Variants in DDX10 observed in about 807,000 individuals in gnomAD.
DDX10 encodes the protein probable ATP-dependent RNA helicase DDX10.
Under a neutral mutation model 104.3 loss-of-function variants are expected in DDX10, and 74 were observed. The observed-to-expected ratio is 0.71, with a 90% CI of 0.59 to 0.86. The LOEUF (loss-of-function observed/expected upper bound fraction) is 0.86, where lower values mean the gene tolerates loss of function less well. Ranked by LOEUF, DDX10 falls within the 40% of genes least tolerant of loss-of-function variation. The probability of loss-of-function intolerance (pLI) is 0.00; values close to 1 mark genes in which losing one functional copy is unlikely to be tolerated. For missense variants in DDX10, 952 were observed against 1,040.0 expected, an observed-to-expected ratio of 0.92 and a Z score of 1.16; for synonymous variants, 351 against 353.4, an observed-to-expected ratio of 0.99 and a Z score of 0.08.
intron 3 of DDX10, 52 bp downstream of exon 3, chr11:108,675,778 T>A (rs777778669): frequency 1.3e-6 from 2 of 1,592,448 alleles, no homozygotes; most frequent in East Asian, 4.5e-5. Flanking sequence ...TTTATAACAT[T>A]CTGTGCCCAG....
At chr11:108,693,420 G>A (rs2094255423) in intron 8 of DDX10, 96 bp from the exon 9 acceptor site, 6 of 855,594 alleles carry the variant, frequency 7.0e-6, no homozygotes, top group Admixed American at 6.8e-5. Flanking sequence ...AGTTTGATGT[G>A]ATGAAAAGTC....
At chr11:108,700,064 A>G (rs1310690553) in intron 9 of DDX10, among the ~76,000 whole-genome samples, 2 of 152,248 alleles carry the variant, frequency 1.3e-5, no homozygotes, top group Non-Finnish European at 1.5e-5. Context: ...GAGGACTCTC[A>G]CCTAGCAAAT....
chr11:108,721,153 C>T (rs2094297864), intron 12 of DDX10, among the ~76,000 whole-genome samples: 2 of 152,104 alleles, frequency 1.3e-5, no homozygotes, highest in Non-Finnish European at 2.9e-5. Context: ...CAACATATAT[C>T]TAAGTGAGCT....
intron 13 of DDX10, among the ~76,000 whole-genome samples, chr11:108,743,243 G>A (rs554679890): frequency 1.3e-5 from 2 of 152,258 alleles, no homozygotes; most frequent in Admixed American, 1.3e-4. Context: ...ATCAATAAAT[G>A]TTATCCATCG....
chr11:108,883,663 C>T (rs572367542), intron 16 of DDX10, among the ~76,000 whole-genome samples: 9 of 152,136 alleles, frequency 5.9e-5, no homozygotes, highest in Admixed American at 6.5e-5. Context: ...ACCACTTCCT[C>T]ATCTCTCATC....
intron 17 of DDX10, among the ~76,000 whole-genome samples, chr11:108,927,265 C>G (rs767828623): frequency 6.6e-6 from 1 of 152,192 alleles, no homozygotes; most frequent in Non-Finnish European, 1.5e-5. Flanking sequence ...TCTGAATAGG[C>G]TGTACAGTGA....
intron 16 of DDX10, among the ~76,000 whole-genome samples, chr11:108,911,076 C>T (rs1361490099): frequency 6.6e-6 from 1 of 152,036 alleles, no homozygotes; most frequent in East Asian, 1.9e-4. Context: ...ATTGACTGCT[C>T]CCCAGAAATA....
At chr11:108,719,547 CT>C (rs2094295686) in intron 11 of DDX10, among the ~76,000 whole-genome samples, 1 of 152,062 alleles carries the variant, frequency 6.6e-6, no homozygotes, top group Non-Finnish European at 1.5e-5. Flanking sequence ...ATTATACTGA[CT>C]TTTAGAGTAG....
At position 108,867,464 on chromosome 11, in the gene DDX10, T is replaced by C. The variant is rs528702966; in HGVS notation, c.2304+15255T>C. 3.9e-5 allele frequency among the ~76,000 whole-genome samples: 6 copies of C among 152,316 alleles called. No homozygotes were observed. In the South Asian group the frequency reaches 1.0e-3, roughly 26 times the overall value. The stretch of plus-strand genomic sequence containing the variant: ...AATAATTTTTAAAATTGAGATCTAG[T>C]CTCATCCATGATAAAATACCACACT... On this transcript the variant is annotated intron_variant, in intron 16 of 17. Coordinates refer to ENST00000322536, the MANE Select transcript of DDX10 (RefSeq NM_004398.4).
At chr11:108,754,159 C>T (rs142632997) in intron 13 of DDX10, among the ~76,000 whole-genome samples, 2 of 151,894 alleles carry the variant, frequency 1.3e-5, no homozygotes, top group South Asian at 2.1e-4. Flanking sequence ...GCTGTGTTGT[C>T]GGAAGTGAAT....
intron 16 of DDX10, among the ~76,000 whole-genome samples, chr11:108,896,402 G>A (rs1407862566): frequency 6.6e-6 from 1 of 151,474 alleles, no homozygotes; most frequent in East Asian, 1.9e-4. Flanking sequence ...TACTCTCTAG[G>A]CTTATTGTGG....
At chr11:108,907,163 T>TA (rs543913318) in intron 16 of DDX10, among the ~76,000 whole-genome samples, 66 of 151,948 alleles carry the variant, frequency 4.3e-4, no homozygotes, top group African/African-American at 1.5e-3. Context: ...TTCAGTCAAA[T>TA]ATCCCCATTG....
chr11:108,743,252 C>T (rs550453112), intron 13 of DDX10, among the ~76,000 whole-genome samples: 25 of 152,214 alleles, frequency 1.6e-4, no homozygotes, highest in Non-Finnish European at 3.1e-4. Context: ...TGTTATCCAT[C>T]GTATAATCAG....
intron 13 of DDX10, among the ~76,000 whole-genome samples, chr11:108,798,712 A>G (rs1359153443): frequency 1.3e-5 from 2 of 152,052 alleles, no homozygotes; most frequent in East Asian, 3.9e-4. Flanking sequence ...TGAGGATGTT[A>G]GTGTATTTGG....
chr11:108,741,278 T>A (rs900033304), intron 13 of DDX10, among the ~76,000 whole-genome samples: 2 of 152,146 alleles, frequency 1.3e-5, no homozygotes, highest in Non-Finnish European at 2.9e-5. Context: ...GATTGCCTTG[T>A]CTATTTGGGC....
chr11:108,712,892 G>GAAAA (rs2094286388), intron 10 of DDX10, among the ~76,000 whole-genome samples: 2 of 151,540 alleles, frequency 1.3e-5, no homozygotes, highest in African/African-American at 4.8e-5. Flanking sequence ...TTGTTTGTCT[G>GAAAA]AAAAAGTGTT....
intron 13 of DDX10, among the ~76,000 whole-genome samples, chr11:108,819,691 C>T (rs924213319): frequency 1.3e-5 from 2 of 152,054 alleles, no homozygotes; most frequent in Non-Finnish European, 2.9e-5. Context: ...CTCCGCCTCC[C>T]AGGTTCAAGC....
chr11:108,892,550 A>G (rs939368763), intron 16 of DDX10, among the ~76,000 whole-genome samples: 1 of 152,182 alleles, frequency 6.6e-6, no homozygotes, highest in African/African-American at 2.4e-5. Flanking sequence ...ATTATCCTGT[A>G]GTAATGCCCG....
At chr11:108,693,235 G>A (rs1373725381) in intron 8 of DDX10, among the ~76,000 whole-genome samples, 2 of 152,122 alleles carry the variant, frequency 1.3e-5, no homozygotes, top group Non-Finnish European at 2.9e-5. Flanking sequence ...AAATATTAGG[G>A]TATTTCACTG....
Sources: gnomAD v4.1 joint callset for allele counts (sites outside exome capture counted in the v4.1 genomes callset) on GRCh38, gnomAD v4.1.1 for gene constraint, MANE v1.5 for transcripts, NCBI Gene and HGNC (gene_info 2026-07-23, HGNC 2026-07-21) for gene names.